TBC1D22A: variants seen among roughly 807,000 people sequenced by gnomAD.
The protein encoded by TBC1D22A is TBC1 domain family member 22A.
In TBC1D22A, 38 loss-of-function variants were observed where a neutral mutation model predicts 60.2. The observed-to-expected ratio is 0.63, with a 90% CI of 0.49 to 0.83. TBC1D22A has a LOEUF of 0.83. TBC1D22A is among the 40% of genes least tolerant of loss of function. TBC1D22A has a pLI of 0.00. For missense variants in TBC1D22A, 628 were observed against 701.0 expected (o/e 0.90, Z 1.18); for synonymous variants, 302 against 281.7 (o/e 1.07, Z -0.72).
intron 1 of TBC1D22A, among the ~76,000 whole-genome samples, chr22:46,774,488 G>A (rs2083616402): frequency 6.6e-6 from 1 of 152,266 alleles, no homozygotes; most frequent in Non-Finnish European, 1.5e-5. Flanking sequence ...GGCCCTTTGA[G>A]TCCAGTTGCT....
intron 12 of TBC1D22A, among the ~76,000 whole-genome samples, chr22:47,144,952 C>T (rs2067235640): frequency 6.6e-6 from 1 of 152,252 alleles, no homozygotes; most frequent in Non-Finnish European, 1.5e-5. Flanking sequence ...CTGGAGGCGG[C>T]TGAGCCGTTT....
intron 5 of TBC1D22A, among the ~76,000 whole-genome samples, chr22:46,885,908 A>ATT (rs60941179): frequency 0.12 from 16,190 of 138,794 alleles, 1,782 homozygotes; most frequent in African/African-American, 0.29. Flanking sequence ...TACTGTTAGA[A>ATT]TTTTTTTTTT....
chr22:46,966,102 C>T (rs900321352), intron 8 of TBC1D22A, among the ~76,000 whole-genome samples: 1 of 152,198 alleles, frequency 6.6e-6, no homozygotes, highest in African/African-American at 2.4e-5. Flanking sequence ...CTCCGCATCA[C>T]GCTCCCCACA....
intron 11 of TBC1D22A, among the ~76,000 whole-genome samples, chr22:47,041,495 CT>C (rs1224263520): frequency 1.3e-5 from 2 of 152,220 alleles, no homozygotes; most frequent in Non-Finnish European, 2.9e-5. Flanking sequence ...GGCCAGGACA[CT>C]TCTATACATG....
At chr22:47,167,762 C>T (rs1001693911) in intron 12 of TBC1D22A, among the ~76,000 whole-genome samples, 4 of 152,010 alleles carry the variant, frequency 2.6e-5, no homozygotes, top group Admixed American at 1.3e-4. Flanking sequence ...AAGCACCATT[C>T]GATTGGATAA....
chr22:46,803,982 T>C (rs1430306613), intron 4 of TBC1D22A, among the ~76,000 whole-genome samples: 3 of 152,248 alleles, frequency 2.0e-5, no homozygotes, highest in Non-Finnish European at 4.4e-5. Flanking sequence ...TGCCTTCTTT[T>C]GGTGCATACA....
chr22:47,154,453 C>A (rs116060000), intron 12 of TBC1D22A, among the ~76,000 whole-genome samples: 4 of 152,142 alleles, frequency 2.6e-5, no homozygotes, highest in African/African-American at 4.8e-5. Context: ...CTTGAAATTA[C>A]GACTCTTTGA....
intron 11 of TBC1D22A, among the ~76,000 whole-genome samples, chr22:47,038,274 C>T (rs7291161): frequency 0.1 from 15,760 of 152,220 alleles, 2,059 homozygotes; most frequent in African/African-American, 0.31. Flanking sequence ...AGCCCTTCAT[C>T]GGCTGCACGT....
chr22:47,049,114 G>T lies in TBC1D22A; in HGVS notation c.1329+11916G>T, dbSNP rs570782707. On this transcript the variant is annotated intron_variant, in intron 11 of 12. Transcript: ENST00000337137. ...AAGAGGAGGCCGGCGCTCCACCTGG[G>T]TCCCCAGTGTGGCACTCACAGCTCT... Among the ~76,000 whole-genome samples the T allele has an allele frequency of 1.7e-4, 26 of 152,324 alleles. 2 individuals carry two copies. The highest frequency in any genetic ancestry group is 1.2e-3 in the Admixed American group (19 of 15,312).
chr22:46,807,715 G>C (rs2085208685), intron 4 of TBC1D22A, among the ~76,000 whole-genome samples: 1 of 152,224 alleles, frequency 6.6e-6, no homozygotes, highest in South Asian at 2.1e-4. Context: ...TCAGATGCCA[G>C]CCAGTAGCAA....
intron 1 of TBC1D22A, among the ~76,000 whole-genome samples, chr22:46,785,136 A>G (rs1486107377): frequency 6.6e-6 from 1 of 152,162 alleles, no homozygotes; most frequent in African/African-American, 2.4e-5. Context: ...TCAGAAATTC[A>G]CATGGGGCAC....
At chr22:46,959,476 C>T (rs966698772) in intron 8 of TBC1D22A, among the ~76,000 whole-genome samples, 3 of 152,218 alleles carry the variant, frequency 2.0e-5, no homozygotes, top group African/African-American at 7.2e-5. Flanking sequence ...TGGCCCTCTG[C>T]CTCTGTGCTG....
chr22:46,904,354 T>C (rs867086), intron 7 of TBC1D22A, among the ~76,000 whole-genome samples: 65,133 of 151,826 alleles, frequency 0.43, 14,655 homozygotes, highest in East Asian at 0.61. Flanking sequence ...GGCGAGCTCA[T>C]TGTGGTGAAA....
chr22:46,911,946 T>C (rs574516386), intron 7 of TBC1D22A, 128 bp from the exon 8 acceptor site: 1 of 651,428 alleles, frequency 1.5e-6, no homozygotes, highest in Admixed American at 2.9e-5. Context: ...GATATTTGTT[T>C]ATATTTGTAT....
chr22:47,040,969 G>T (rs556775763), intron 11 of TBC1D22A, among the ~76,000 whole-genome samples: 24 of 152,246 alleles, frequency 1.6e-4, no homozygotes, highest in African/African-American at 5.8e-4. Flanking sequence ...ACCTGAAACG[G>T]TTACTTACGC....
At chr22:47,092,714 A>G (rs2065025251) in intron 11 of TBC1D22A, among the ~76,000 whole-genome samples, 1 of 152,204 alleles carries the variant, frequency 6.6e-6, no homozygotes, top group African/African-American at 2.4e-5. Context: ...TCTGACCCCT[A>G]TGCTCTTTTA....
Position 47,003,820 on chromosome 22 carries a change from ATGCCTGT to A in TBC1D22A, c.1201+6112_1201+6118del. On this transcript the variant is annotated intron_variant, in intron 10 of 12. Coordinates refer to ENST00000337137, the MANE Select transcript of TBC1D22A (RefSeq NM_014346.5). ...ATGCCTGTACACACCCTACGCACAC[ATGCCTGT>A]ACGCACACACCCTACGCACACATGC... 2.3e-5 allele frequency among the ~76,000 whole-genome samples: 2 copies of A among 88,082 alleles called. 1 individual carries two copies. The allele number at this position is 88,082 out of a possible 152,430, so 57.8% of individuals were successfully genotyped here. A position where few individuals can be genotyped will look rare whatever the true frequency, so the allele number is the denominator to read the frequency against.
chr22:47,075,222 C>CAAAAAAAAAAAAA lies in TBC1D22A; in HGVS notation c.1330-36284_1330-36272dup, dbSNP rs386395628. On this transcript the variant is annotated intron_variant, in intron 11 of 12. Transcript: ENST00000337137. ...TGGGCGACAGAGCGAGATTCCGTCT[C>CAAAAAAAAAAAAA]AAAAAAAAAAAAAAGAGAACCAAAG... is the stretch of plus-strand genomic sequence containing the variant. 2.1e-3 allele frequency among the ~76,000 whole-genome samples: 238 copies of CAAAAAAAAAAAAA among 114,046 alleles called. 3 individuals are homozygous for CAAAAAAAAAAAAA. The highest frequency in any genetic ancestry group is 8.2e-3 in the African/African-American group (231 of 28,340). 74.8% of individuals were successfully genotyped at this position (114,046 alleles called of 152,430 possible).
chr22:47,072,012 G>A (rs2064013764), intron 11 of TBC1D22A, among the ~76,000 whole-genome samples: 1 of 152,208 alleles, frequency 6.6e-6, no homozygotes, highest in South Asian at 2.1e-4. Flanking sequence ...GTCTTTACGA[G>A]TGTTATTCTA....
Sources: gnomAD v4.1 joint callset for allele counts (sites outside exome capture counted in the v4.1 genomes callset) on GRCh38, gnomAD v4.1.1 for gene constraint, MANE v1.5 for transcripts, NCBI Gene and HGNC (gene_info 2026-07-23, HGNC 2026-07-21) for gene names.